Variants in ADAM23 observed in about 807,000 individuals in gnomAD.
ADAM23 encodes ADAM metallopeptidase domain 23.
In ADAM23, 33 loss-of-function variants were observed where a neutral mutation model predicts 120.1. That is an observed-to-expected ratio of 0.27 (90% confidence interval 0.21 to 0.37). ADAM23 has a LOEUF of 0.37. ADAM23 is among the 10% of genes least tolerant of loss of function. The pLI, the probability that ADAM23 is intolerant of heterozygous loss-of-function variation, is 1.00. For synonymous variants in ADAM23, 367 were observed against 375.2 expected (o/e 0.98, Z 0.25); for missense variants, 862 against 1,058.2 (o/e 0.81, Z 2.57).
chr2:206,508,250 T>C (rs369687504), intron 3 of ADAM23, among the ~76,000 whole-genome samples: 282 of 152,232 alleles, frequency 1.9e-3, no homozygotes, highest in South Asian at 6.2e-3. Context: ...AGGATGGTCT[T>C]GATCTGACCT....
In ADAM23 at chr2:206,601,745, G is replaced by C. The variant is rs180690866; in HGVS notation, c.2359+5583G>C. 2.0e-3 allele frequency among the ~76,000 whole-genome samples: 290 copies of C among 148,280 alleles called. 2 individuals carry two copies. Among genetic ancestry groups the C allele is most frequent in the African/African-American group, 6.8e-3 (273 of 40,058 alleles). On this transcript the variant is annotated intron_variant, in intron 24 of 25. Transcript: ENST00000264377. ...GCCAAGATCACACCACTGCACTCCAGCCTGAGCAAGAGAGTAAGACCCTTC... is the reference window on the plus strand; with the variant it reads ...GCCAAGATCACACCACTGCACTCCACCCTGAGCAAGAGAGTAAGACCCTTC...
At chr2:206,501,015 T>G (rs1470820843) in intron 3 of ADAM23, among the ~76,000 whole-genome samples, 1 of 151,594 alleles carries the variant, frequency 6.6e-6, no homozygotes, top group Non-Finnish European at 1.5e-5. Flanking sequence ...TTTGACTTAG[T>G]TGTGTGTAGT....
intron 2 of ADAM23, among the ~76,000 whole-genome samples, chr2:206,467,123 G>A (rs2105865011): frequency 6.6e-6 from 1 of 152,218 alleles, no homozygotes; most frequent in East Asian, 1.9e-4. Flanking sequence ...ATTTGGGTGG[G>A]GACACAGATC....
intron 3 of ADAM23, among the ~76,000 whole-genome samples, chr2:206,522,774 T>A (rs1696869244): frequency 6.6e-6 from 1 of 151,888 alleles, no homozygotes; most frequent in South Asian, 2.1e-4. Flanking sequence ...ATAGGCCTTT[T>A]TTATTTGGAT....
intron 24 of ADAM23, chr2:206,605,740 T>A: frequency 1.4e-6 from 1 of 701,410 alleles, no homozygotes; most frequent in Non-Finnish European, 2.6e-6. Flanking sequence ...GTTAGTGAAA[T>A]TAGTATGTAA....
At chr2:206,557,724 T>G (rs1697674792) in intron 10 of ADAM23, among the ~76,000 whole-genome samples, 1 of 152,194 alleles carries the variant, frequency 6.6e-6, no homozygotes, top group South Asian at 2.1e-4. Context: ...TGCTTCTAAG[T>G]TGCGTCTATA....
In ADAM23 at chr2:206,477,891, A is replaced by ATATATATATAT. The variant is rs1229595648; in HGVS notation, c.433-3341_433-3340insTATATATATAT. ...AGCCAATATTCTGTTAAAAAAAAAA[A>ATATATATATAT]AAAAAAATATATATATATATATATA... On this transcript the variant is annotated intron_variant, in intron 2 of 25. Transcript: ENST00000264377. 3.2e-4 allele frequency among the ~76,000 whole-genome samples: 30 copies of ATATATATATAT among 94,364 alleles called. 1 individual carries two copies. Among genetic ancestry groups the ATATATATATAT allele is most frequent in the Middle Eastern group, 5.0e-3 (1 of 200 alleles). The allele number at this position is 94,364 out of a possible 152,430, so 61.9% of individuals were successfully genotyped here.
intron 2 of ADAM23, among the ~76,000 whole-genome samples, chr2:206,459,366 A>T (rs1278347130): frequency 1.3e-5 from 2 of 152,082 alleles, no homozygotes; most frequent in African/African-American, 4.8e-5. Flanking sequence ...TTATTCTTTT[A>T]TTTGGGATGT....
Position 206,592,601 on chromosome 2 carries a change from C to T in ADAM23, c.1959-16C>T. 3 of 1,606,642 alleles carry T rather than the reference C, an allele frequency of 1.9e-6. No homozygotes were observed. The highest frequency in any genetic ancestry group is 2.6e-6 in the Non-Finnish European group (3 of 1,176,372). The stretch of plus-strand genomic sequence containing the variant: ...TCCTCCTGTCTGGTCTGTTTGTTTT[C>T]TTTACACATGTTCAGTGATGTGTTC... On this transcript the variant is annotated splice_polypyrimidine_tract_variant and intron_variant, in intron 21 of 25. Transcript: ENST00000264377.
rs1001240952 is a variant in ADAM23 at position 206,550,756 on chromosome 2, T to C, written c.933+596T>C. Among the ~76,000 whole-genome samples, 8 of 152,120 alleles carry C rather than the reference T, an allele frequency of 5.3e-5. No individual in the cohort carries two copies. In the East Asian group the frequency reaches 1.4e-3, roughly 26 times the overall value. Reference sequence around the variant, plus strand: ...AGCTGGGACTACAGGCGCCCGCCACTACGCCCGGCTAATTTTTTGTATTTT... The same window carrying C: ...AGCTGGGACTACAGGCGCCCGCCACCACGCCCGGCTAATTTTTTGTATTTT... On this transcript the variant is annotated intron_variant, in intron 9 of 25. Coordinates refer to ENST00000264377, the MANE Select transcript of ADAM23 (RefSeq NM_003812.4).
At position 206,477,880 on chromosome 2, in the gene ADAM23, TAAA is replaced by T. The variant is rs71034456; in HGVS notation, c.433-3336_433-3334del. Among the ~76,000 whole-genome samples the T allele has an allele frequency of 1.9e-3, 207 of 109,150 alleles. 2 individuals are homozygous for T. Among genetic ancestry groups the T allele is most frequent in the Middle Eastern group, 5.3e-3 (1 of 188 alleles). 71.6% of individuals were successfully genotyped at this position (109,150 alleles called of 152,430 possible). ...TGGAAGAAGCAAGCCAATATTCTGT[TAAA>T]AAAAAAAAAAAAAAATATATATATA... On this transcript the variant is annotated intron_variant, in intron 2 of 25. Coordinates refer to ENST00000264377, the MANE Select transcript of ADAM23 (RefSeq NM_003812.4).
At chr2:206,530,256 G>T (rs1015153150) in intron 3 of ADAM23, among the ~76,000 whole-genome samples, 2 of 152,188 alleles carry the variant, frequency 1.3e-5, no homozygotes, top group Non-Finnish European at 2.9e-5. Context: ...ACTGCCCGTG[G>T]CTGCTTTTGC....
chr2:206,538,063 C>T (rs1697216884), intron 4 of ADAM23, among the ~76,000 whole-genome samples: 1 of 152,106 alleles, frequency 6.6e-6, no homozygotes, highest in Non-Finnish European at 1.5e-5. Context: ...GACACTAGTC[C>T]TCACAAAGCT....
intron 7 of ADAM23, 31 bp from the exon 8 acceptor site, chr2:206,548,250 A>T (rs1697439597): frequency 6.3e-7 from 1 of 1,595,238 alleles, no homozygotes; most frequent in Non-Finnish European, 8.6e-7. Flanking sequence ...AATAAGCATA[A>T]AATTTTGATA....
intron 24 of ADAM23, among the ~76,000 whole-genome samples, chr2:206,609,002 A>G (rs1005710109): frequency 2.0e-5 from 3 of 152,196 alleles, no homozygotes; most frequent in African/African-American, 7.2e-5. Flanking sequence ...ATGTAAAGTA[A>G]TTATTATACT....
In ADAM23 at chr2:206,490,766, CT is replaced by C. The variant is rs1261743509; in HGVS notation, c.509+9463del. Among the ~76,000 whole-genome samples the C allele has an allele frequency of 2.6e-5, 4 of 152,214 alleles. No homozygotes were observed. The East Asian group carries it at 7.8e-4, about 29-fold the overall frequency. On this transcript the variant is annotated intron_variant, in intron 3 of 25. Coordinates refer to ENST00000264377, the MANE Select transcript of ADAM23 (RefSeq NM_003812.4). ...TTTAATTCTAGAGTGCCAGGTAACT[CT>C]TTTTGTTGCCATATTTTCTCTGATC...
Position 206,547,414 on chromosome 2 carries a change from A to C in ADAM23, c.721-15A>C, listed in dbSNP as rs773778970. On this transcript the variant is annotated splice_polypyrimidine_tract_variant and intron_variant, in intron 6 of 25. Coordinates refer to ENST00000264377, the MANE Select transcript of ADAM23 (RefSeq NM_003812.4). ...CATCTTGCTTTCTAAATTGCCTACA[A>C]TTGTTTTGTTTCAGAAAAGCACAGG... 3.1e-6 allele frequency: 5 copies of C among 1,607,922 alleles called. No homozygotes were observed. The highest frequency in any genetic ancestry group is 2.6e-6 in the Non-Finnish European group (3 of 1,176,136).
At chr2:206,566,410 G>A (rs940506079) in intron 14 of ADAM23, among the ~76,000 whole-genome samples, 7 of 151,966 alleles carry the variant, frequency 4.6e-5, no homozygotes, top group East Asian at 1.9e-4. Flanking sequence ...CCTGTCACTC[G>A]CAAGTCAAGC....
chr2:206,518,147 G>C (rs1441311045), intron 3 of ADAM23, among the ~76,000 whole-genome samples: 2 of 152,124 alleles, frequency 1.3e-5, no homozygotes, highest in South Asian at 2.1e-4. Flanking sequence ...TTATAGATCT[G>C]TTCTGCATTT....
Sources: allele counts gnomAD v4.1 joint callset (sites outside exome capture counted in the v4.1 genomes callset), GRCh38; gene constraint gnomAD v4.1.1; transcripts MANE v1.5; gene names NCBI Gene and HGNC (gene_info 2026-07-23, HGNC 2026-07-21).